GPM6A: variants seen among roughly 807,000 people sequenced by gnomAD.
GPM6A encodes neuronal membrane glycoprotein M6-a.
In GPM6A, 7 loss-of-function variants were observed where a neutral mutation model predicts 32.1. That is an observed-to-expected ratio of 0.22 (90% CI 0.12 to 0.41). The LOEUF (loss-of-function observed/expected upper bound fraction) is 0.41. Among genes scored for constraint, GPM6A ranks in the 10% least tolerant of loss-of-function variants. The probability of loss-of-function intolerance (pLI) is 1.00; values close to 1 mark genes in which losing one functional copy is unlikely to be tolerated. For missense variants in GPM6A, 235 were observed against 347.2 expected (o/e 0.68, Z 2.57); for synonymous variants, 130 against 123.4 (o/e 1.05, Z -0.35).
chr4:175,912,452 C>T (rs1046597611), intron 1 of GPM6A, among the ~76,000 whole-genome samples: 16 of 151,940 alleles, frequency 1.1e-4, no homozygotes, highest in African/African-American at 3.1e-4. Flanking sequence ...GTCAGGAGTT[C>T]GAGACCAGCC....
At chr4:175,715,512 A>T (rs1184427327) in intron 1 of GPM6A, among the ~76,000 whole-genome samples, 1 of 152,108 alleles carries the variant, frequency 6.6e-6, no homozygotes, top group Non-Finnish European at 1.5e-5. Context: ...TTTTATTATC[A>T]AAGTAATCAC....
intron 1 of GPM6A, among the ~76,000 whole-genome samples, chr4:175,818,414 G>T (rs1373085426): frequency 6.6e-6 from 1 of 152,104 alleles, no homozygotes; most frequent in Non-Finnish European, 1.5e-5. Flanking sequence ...ATTCCTCAAA[G>T]TCTGCAATAT....
intron 3 of GPM6A, among the ~76,000 whole-genome samples, chr4:175,660,452 T>A (rs1335878934): frequency 1.3e-5 from 2 of 151,916 alleles, no homozygotes; most frequent in African/African-American, 2.4e-5. Context: ...GATAAATATA[T>A]GAATTCATGT....
intron 1 of GPM6A, among the ~76,000 whole-genome samples, chr4:175,723,921 TA>T (rs1746271420): frequency 6.6e-6 from 1 of 152,128 alleles, no homozygotes; most frequent in African/African-American, 2.4e-5. Context: ...TTATTACAAT[TA>T]AAAATAGACC....
At chr4:175,716,216 G>A (rs1745834345) in intron 1 of GPM6A, among the ~76,000 whole-genome samples, 1 of 152,080 alleles carries the variant, frequency 6.6e-6, no homozygotes, top group Non-Finnish European at 1.5e-5. Flanking sequence ...ATCCAAAAGT[G>A]GTCATTAGCT....
At chr4:175,732,635 T>G (rs1016100770) in intron 1 of GPM6A, among the ~76,000 whole-genome samples, 3 of 152,162 alleles carry the variant, frequency 2.0e-5, no homozygotes, top group African/African-American at 7.2e-5. Context: ...GAGAATTCTT[T>G]GAGATGAAAA....
intron 1 of GPM6A, among the ~76,000 whole-genome samples, chr4:175,938,840 T>C (rs952118422): frequency 2.0e-5 from 3 of 151,562 alleles, no homozygotes; most frequent in Admixed American, 2.0e-4. Flanking sequence ...AACAAACACA[T>C]ATACCTCATA....
At chr4:175,864,453 C>T (rs1323606680) in intron 1 of GPM6A, among the ~76,000 whole-genome samples, 2 of 152,180 alleles carry the variant, frequency 1.3e-5, no homozygotes, top group Admixed American at 1.3e-4. Context: ...GGATTACAGG[C>T]ATGGGCTACC....
rs375585713 is a variant in GPM6A, at chr4:175,720,881, T to C, written c.38-19114A>G. On this transcript the variant is annotated intron_variant, in intron 1 of 6. Transcript: ENST00000393658. ...TTCACAATGTAAAGAAAGATAGTCA[T>C]TTCTGCATTTGGCTGTAACTGGTCG... 2.6e-5 allele frequency among the ~76,000 whole-genome samples: 4 copies of C among 151,986 alleles called. No homozygotes were observed. In the East Asian group the frequency reaches 7.8e-4, roughly 29 times the overall value.
chr4:175,738,790 G>C (rs371303626), intron 1 of GPM6A, among the ~76,000 whole-genome samples: 42 of 152,160 alleles, frequency 2.8e-4, no homozygotes, highest in African/African-American at 7.2e-4. Context: ...CAGATAATTT[G>C]ATTAAGTCCA....
At chr4:175,708,495 C>T (rs1745339678) in intron 1 of GPM6A, among the ~76,000 whole-genome samples, 1 of 151,972 alleles carries the variant, frequency 6.6e-6, no homozygotes, top group Admixed American at 6.6e-5. Flanking sequence ...AAGCGATTCT[C>T]CTGCCTCAGC....
At chr4:175,703,567 A>T (rs982837882) in intron 1 of GPM6A, among the ~76,000 whole-genome samples, 7 of 152,238 alleles carry the variant, frequency 4.6e-5, no homozygotes, top group Non-Finnish European at 7.3e-5. Flanking sequence ...TTGAAGTCTC[A>T]TCACTTTTAC....
chr4:175,703,297 G>A (rs1031605204), intron 1 of GPM6A, among the ~76,000 whole-genome samples: 4 of 151,948 alleles, frequency 2.6e-5, no homozygotes, highest in East Asian at 1.9e-4. Flanking sequence ...TCAGCCTCCC[G>A]AGTAGCTGGG....
At chr4:175,706,532 A>C (rs771173471) in intron 1 of GPM6A, among the ~76,000 whole-genome samples, 2 of 152,062 alleles carry the variant, frequency 1.3e-5, no homozygotes, top group Non-Finnish European at 2.9e-5. Flanking sequence ...TCATTGATAA[A>C]TTTTTCCTAA....
chr4:175,677,508 A>G (rs1407513174), intron 2 of GPM6A, among the ~76,000 whole-genome samples: 1 of 152,182 alleles, frequency 6.6e-6, no homozygotes, highest in African/African-American at 2.4e-5. Flanking sequence ...GGAAGAAAAA[A>G]AGAAATTTAA....
rs1746223189 is a variant in GPM6A at position 175,722,972 on chromosome 4, C to T, written c.38-21205G>A. 3.3e-5 allele frequency among the ~76,000 whole-genome samples: 5 copies of T among 151,978 alleles called. No homozygotes were observed. The South Asian group carries it at 8.3e-4, about 25-fold the overall frequency. Reference sequence around the variant, plus strand: ...GCTCAAGTGGGAAGATTACTTGAGCCTGGGAGGTGGAGGCTGCAGTGAGCC... The same window carrying T: ...GCTCAAGTGGGAAGATTACTTGAGCTTGGGAGGTGGAGGCTGCAGTGAGCC... On this transcript the variant is annotated intron_variant, in intron 1 of 6. Transcript: ENST00000393658.
At chr4:175,637,699 T>TATATTATATATATTTATATATAATATATA (rs1560842839) in intron 6 of GPM6A, among the ~76,000 whole-genome samples, 2 of 70,240 alleles carry the variant, frequency 2.8e-5, no homozygotes, top group East Asian at 7.6e-4. Flanking sequence ...TATAATATAT[T>TATATTATATATATTTATATATAATATATA]ATATATTATA....
At chr4:175,651,408 G>A (rs1260039275) in intron 4 of GPM6A, among the ~76,000 whole-genome samples, 1 of 151,682 alleles carries the variant, frequency 6.6e-6, no homozygotes, top group African/African-American at 2.4e-5. Context: ...TTAAGATGCT[G>A]CCCTCCCATT....
intron 3 of GPM6A, among the ~76,000 whole-genome samples, chr4:175,671,270 T>C (rs957406516): frequency 1.3e-5 from 2 of 151,466 alleles, no homozygotes; most frequent in African/African-American, 2.4e-5. Flanking sequence ...TTTCTGTTAG[T>C]ATTAACTAAG....
Sources: gnomAD v4.1 joint callset for allele counts (sites outside exome capture counted in the v4.1 genomes callset) on GRCh38, gnomAD v4.1.1 for gene constraint, MANE v1.5 for transcripts, NCBI Gene and HGNC (gene_info 2026-07-23, HGNC 2026-07-21) for gene names.